Variants in C17orf58 observed in about 807,000 individuals in gnomAD.
C17orf58 encodes the protein UPF0450 protein C17orf58.
Under a neutral mutation model 7.4 loss-of-function variants are expected in C17orf58, and 5 were observed. The ratio of observed to expected loss-of-function variants is 0.67; its 90% CI spans 0.35 to 1.42. C17orf58 has a LOEUF of 1.42. C17orf58 is among the 40% of genes most tolerant of loss of function. C17orf58 has a pLI of 0.04. For synonymous variants in C17orf58, 60 were observed against 70.6 expected (o/e 0.85, Z 0.75); for missense variants, 162 against 174.2 (o/e 0.93, Z 0.40).
Position 67,996,382 on chromosome 17 carries a change from T to C in C17orf58, c.-184A>G. The C allele has an allele frequency of 2.6e-6, 1 of 383,162 alleles. No homozygotes were observed. The highest frequency in any genetic ancestry group is 4.6e-6 in the Non-Finnish European group (1 of 216,986). The allele number at this position is 383,162 out of a possible 1,614,324, so 23.7% of individuals were successfully genotyped here. On this transcript the variant is annotated 5_prime_UTR_variant, in exon 1 of 4. Coordinates refer to ENST00000580729, the MANE Select transcript of C17orf58 (RefSeq NM_001382359.1). The stretch of plus-strand genomic sequence containing the variant: ...ACCGAGCCGCAGGGATTTCTCCCTC[T>C]TCCTTCCTAAGGAGGACGAGCACAT...
chr17:67,992,617 TA>T (rs2070845700), intron 3 of C17orf58, among the ~76,000 whole-genome samples: 2 of 142,154 alleles, frequency 1.4e-5, no homozygotes, highest in South Asian at 2.3e-4. Context: ...CGGACCACAT[TA>T]CAGAACAAAG....
rs2070835758 is a variant in C17orf58 at position 67,991,938 on chromosome 17, C to T, written c.995G>A (p.Gly332Asp). The T allele has an allele frequency of 5.0e-6, 8 of 1,611,828 alleles. No homozygotes were observed. The East Asian group carries it at 8.9e-5, about 18-fold the overall frequency. The stretch of plus-strand genomic sequence containing the variant: ...TCAAATGCATTGGGTATGAATTGCA[C>T]CTTGAATCTGCCCTTCCCTTTTTCG... ...FNRKREGQIQ[G>D]AIHTQCI Residue 332 changes from glycine to aspartate, a missense_variant, in exon 4 of 4, where the codon GGT becomes GAT. Physicochemically the swap from Gly to Asp is moderately conservative, Grantham distance 94. Transcript: ENST00000580729.
chr17:67,994,424 A>G (rs1293043183), intron 1 of C17orf58, among the ~76,000 whole-genome samples: 3 of 150,334 alleles, frequency 2.0e-5, no homozygotes, highest in East Asian at 1.9e-4. Flanking sequence ...GTCTTACAAC[A>G]CTGGTTAGAT....
chr17:67,995,214 C>A (rs2070882183), intron 1 of C17orf58, among the ~76,000 whole-genome samples: 1 of 152,168 alleles, frequency 6.6e-6, no homozygotes, highest in Non-Finnish European at 1.5e-5. Context: ...GGTTAGAGTT[C>A]ATGTTTTTGC....
rs71142121 is a variant in C17orf58, at chr17:67,994,493, C to CGT, written c.77-511_77-510dup. 7.1e-4 allele frequency among the ~76,000 whole-genome samples: 67 copies of CGT among 94,366 alleles called. 2 individuals carry two copies. Among genetic ancestry groups the CGT allele is most frequent in the African/African-American group, 2.4e-3 (65 of 27,382 alleles). The allele number at this position is 94,366 out of a possible 152,430, so 61.9% of individuals were successfully genotyped here. A position where few individuals can be genotyped will look rare whatever the true frequency, so the allele number is the denominator to read the frequency against. ...GTATATGTGTGTATGTGTGCGTGTGCGTGTGTGTGTGTGTGTGTGTGTGTA... is the reference window on the plus strand; with the variant it reads ...GTATATGTGTGTATGTGTGCGTGTGCGTGTGTGTGTGTGTGTGTGTGTGTGTA... On this transcript the variant is annotated intron_variant, in intron 1 of 3. Transcript: ENST00000580729.
Position 67,991,652 on chromosome 17 carries a change from CA to C in C17orf58, c.*260del. ...GCAATGATCTGTTAACTGGACAGGT[CA>C]ATTATCTGAGCTGTGTAAATCATTG... On this transcript the variant is annotated 3_prime_UTR_variant, in exon 4 of 4. Coordinates refer to ENST00000580729, the MANE Select transcript of C17orf58 (RefSeq NM_001382359.1). 3.5e-6 allele frequency: 1 copy of C among 283,492 alleles called. No homozygotes were observed. The highest frequency in any genetic ancestry group is 6.5e-6 in the Non-Finnish European group (1 of 153,234). The allele number at this position is 283,492 out of a possible 1,614,324, so 17.6% of individuals were successfully genotyped here. A position where few individuals can be genotyped will look rare whatever the true frequency, so the allele number is the denominator to read the frequency against.
At chr17:67,995,633 T>C (rs1294695827) in intron 1 of C17orf58, among the ~76,000 whole-genome samples, 1 of 152,236 alleles carries the variant, frequency 6.6e-6, no homozygotes, top group Non-Finnish European at 1.5e-5. Flanking sequence ...GGCTCAGGTG[T>C]CCCAAGGTTG....
chr17:67,991,866 G>C lies in C17orf58; in HGVS notation c.*47C>G, dbSNP rs781938244. 2.8e-5 allele frequency: 42 copies of C among 1,503,380 alleles called. No individual in the cohort carries two copies. Among genetic ancestry groups the C allele is most frequent in the Non-Finnish European group, 1.8e-6 (2 of 1,108,348 alleles). 93.1% of individuals were successfully genotyped at this position (1,503,380 alleles called of 1,614,324 possible). On this transcript the variant is annotated 3_prime_UTR_variant, in exon 4 of 4. Transcript: ENST00000580729. ...GAAGGTAGACCTTTCATGTCTTGTT[G>C]CCGACGTCCAAGTCTCTTGCGGTCC...
chr17:67,992,217 T>C lies in C17orf58; in HGVS notation c.830-114A>G, dbSNP rs150273157. On this transcript the variant is annotated intron_variant, in intron 3 of 3. Coordinates refer to ENST00000580729, the MANE Select transcript of C17orf58 (RefSeq NM_001382359.1). ...GCAATCTATTATCTTGCTGCACAAG[T>C]TGAAACTGATATTGAGTCTACAGGC... 11 of 928,030 alleles carry C rather than the reference T, an allele frequency of 1.2e-5. No homozygotes were observed. In the African/African-American group the frequency reaches 1.7e-4, roughly 14 times the overall value. The allele number at this position is 928,030 out of a possible 1,614,324, so 57.5% of individuals were successfully genotyped here.
At chr17:67,995,432 A>G (rs2070884192) in intron 1 of C17orf58, among the ~76,000 whole-genome samples, 1 of 152,258 alleles carries the variant, frequency 6.6e-6, no homozygotes, top group Admixed American at 6.5e-5. Flanking sequence ...GTGGAAAAAT[A>G]ACCCAGAGTA....
Position 67,993,829 on chromosome 17 carries a change from G to A in C17orf58, c.232C>T (p.Arg78Trp), listed in dbSNP as rs1360637494. 20 of 305,090 alleles carry A rather than the reference G, an allele frequency of 6.6e-5. 1 individual carries two copies. The highest frequency in any genetic ancestry group is 1.1e-4 in the Non-Finnish European group (19 of 169,890). The allele number at this position is 305,090 out of a possible 1,614,324, so 18.9% of individuals were successfully genotyped here. A position where few individuals can be genotyped will look rare whatever the true frequency, so the allele number is the denominator to read the frequency against. Residue 78 changes from arginine to tryptophan, a missense_variant, in exon 2 of 4, where the codon CGG becomes TGG. Arg to Trp is a moderately radical substitution (Grantham distance 101, BLOSUM62 -3). Coordinates refer to ENST00000580729, the MANE Select transcript of C17orf58 (RefSeq NM_001382359.1). This position sits in a 1 kb window ranked among gnomAD's most constrained non-coding sequence, Gnocchi z 5.1. ...TTGTCGGCCGGCGGTGGGGGCTTCCGGCGGCGCGGGTCAGGCCAGGCGCGG... is the reference window on the plus strand; with the variant it reads ...TTGTCGGCCGGCGGTGGGGGCTTCCAGCGGCGCGGGTCAGGCCAGGCGCGG... ...AARAWPDPRR[R>W]KPPPPADNQA...
At chr17:67,995,722 C>T (rs2070886178) in intron 1 of C17orf58, among the ~76,000 whole-genome samples, 1 of 148,952 alleles carries the variant, frequency 6.7e-6, no homozygotes, top group African/African-American at 2.4e-5. Flanking sequence ...CTCCACAGCG[C>T]CCCCCGCAGC....
intron 1 of C17orf58, among the ~76,000 whole-genome samples, chr17:67,995,810 G>T (rs2148738717): frequency 6.6e-6 from 1 of 152,334 alleles, no homozygotes; most frequent in South Asian, 2.1e-4. Context: ...CGAAAGGCGC[G>T]CCACGACCCC....
In C17orf58 at chr17:67,993,331, C is replaced by A; in HGVS notation, c.637+93G>T. 1.4e-6 allele frequency: 1 copy of A among 735,860 alleles called. No homozygotes were observed. The highest frequency in any genetic ancestry group is 1.9e-5 in the South Asian group (1 of 53,242). The allele number at this position is 735,860 out of a possible 1,614,324, so 45.6% of individuals were successfully genotyped here. A position where few individuals can be genotyped will look rare whatever the true frequency, so the allele number is the denominator to read the frequency against. On this transcript the variant is annotated intron_variant, in intron 2 of 3. Coordinates refer to ENST00000580729, the MANE Select transcript of C17orf58 (RefSeq NM_001382359.1). This position sits in a 1 kb window ranked among gnomAD's most constrained non-coding sequence, Gnocchi z 5.1. ...TTTAGCAACCGCGAAACGGCCCGCA[C>A]GGGTCAGGCGCCCTGGGATCTCGCG...
intron 1 of C17orf58, among the ~76,000 whole-genome samples, chr17:67,994,512 GTGTGTA>G (rs1286024429): frequency 1.2e-5 from 1 of 85,568 alleles, no homozygotes; most frequent in African/African-American, 3.7e-5. Context: ...GTGTGTGTGT[GTGTGTA>G]TATATATATA....
At position 67,993,195 on chromosome 17, in the gene C17orf58, C is replaced by A. The variant is rs782053503; in HGVS notation, c.678G>T (p.Ala226=). The change falls in exon 3 of 4, where the codon GCG becomes GCT. Residue 226 remains alanine, a synonymous_variant. Coordinates refer to ENST00000580729, the MANE Select transcript of C17orf58 (RefSeq NM_001382359.1). The surrounding 1 kb of genome is among the most constrained non-coding windows in gnomAD (Gnocchi z 5.1). ...CCAGCAGGGTCACCAGCCGGATGCC[C>A]GCGCCCAGCACGTCCACATCGTGCA... ...GIVHDVDVLG[A]GIRLVTLLVD... is the part of the protein sequence containing the mutation. 1 of 1,609,902 alleles carries A rather than the reference C, an allele frequency of 6.2e-7. No individual in the cohort carries two copies. The highest frequency in any genetic ancestry group is 2.2e-5 in the East Asian group (1 of 44,766).
chr17:67,993,324 G>T lies in C17orf58; in HGVS notation c.638-89C>A. 2 of 786,594 alleles carry T rather than the reference G, an allele frequency of 2.5e-6. No homozygotes were observed. Among genetic ancestry groups the T allele is most frequent in the Non-Finnish European group, 4.1e-6 (2 of 490,526 alleles). 48.7% of individuals were successfully genotyped at this position (786,594 alleles called of 1,614,324 possible). On this transcript the variant is annotated intron_variant, in intron 2 of 3. Coordinates refer to ENST00000580729, the MANE Select transcript of C17orf58 (RefSeq NM_001382359.1). The surrounding 1 kb of genome is among the most constrained non-coding windows in gnomAD (Gnocchi z 5.1). The stretch of plus-strand genomic sequence containing the variant: ...GGTGGTTTTTAGCAACCGCGAAACG[G>T]CCCGCACGGGTCAGGCGCCCTGGGA...
At position 67,994,536 on chromosome 17, in the gene C17orf58, A is replaced by ATATATATATAT. The variant is rs1555699626; in HGVS notation, c.77-553_77-552insATATATATATA. Among the ~76,000 whole-genome samples the ATATATATATAT allele has an allele frequency of 4.6e-3, 363 of 79,406 alleles. 1 individual carries two copies. Among genetic ancestry groups the ATATATATATAT allele is most frequent in the South Asian group, 0.015 (31 of 2,030 alleles). The allele number at this position is 79,406 out of a possible 152,430, so 52.1% of individuals were successfully genotyped here. On this transcript the variant is annotated intron_variant, in intron 1 of 3. Coordinates refer to ENST00000580729, the MANE Select transcript of C17orf58 (RefSeq NM_001382359.1). ...TGTGTGTATATATATATATATATATAAAACATATATAAACATCCGCCTCTT... is the reference window on the plus strand; with the variant it reads ...TGTGTGTATATATATATATATATATATATATATATATAAACATATATAAACATCCGCCTCTT...
intron 3 of C17orf58, 199 bp downstream of exon 3, chr17:67,992,845 C>T (rs1249372418): frequency 1.2e-5 from 19 of 1,572,756 alleles, no homozygotes; most frequent in Non-Finnish European, 1.6e-5. Context: ...TTGCTGTTCT[C>T]ACCCTTGAGG....
Sources: allele counts gnomAD v4.1 joint callset (sites outside exome capture counted in the v4.1 genomes callset), GRCh38; gene constraint gnomAD v4.1.1; non-coding constraint Gnocchi (gnomAD v3.1); transcripts MANE v1.5; gene names NCBI Gene and HGNC (gene_info 2026-07-23, HGNC 2026-07-21).